The following VPS50 variants were observed in gnomAD, a reference collection of about 807,000 sequenced individuals.
VPS50 encodes VPS50 subunit of EARP/GARPII complex.
A neutral mutation model predicts 139.7 loss-of-function variants in VPS50; 70 were observed. The ratio of observed to expected loss-of-function variants is 0.50; its 90% CI spans 0.41 to 0.61. The LOEUF (loss-of-function observed/expected upper bound fraction) is 0.61, where lower values mean the gene tolerates loss of function less well. VPS50 is among the 20% of genes least tolerant of loss of function. The pLI, the probability that VPS50 is intolerant of heterozygous loss-of-function variation, is 0.00. For missense variants in VPS50, 921 were observed against 1,133.7 expected, an observed-to-expected ratio of 0.81 and a Z score of 2.69; for synonymous variants, 365 against 376.7, an observed-to-expected ratio of 0.97 and a Z score of 0.36.
chr7:93,333,344 T>C, intron 21 of VPS50, among the ~76,000 whole-genome samples: 1 of 152,264 alleles, frequency 6.6e-6, no homozygotes, highest in African/African-American at 2.4e-5. Flanking sequence ...GTCACACTCA[T>C]ACATACATAA....
At chr7:93,303,656 T>G in intron 17 of VPS50, 106 bp downstream of exon 17, 1 of 506,112 alleles carries the variant, frequency 2.0e-6, no homozygotes, top group Non-Finnish European at 3.5e-6. Context: ...ATAAAATAAA[T>G]TAAGGAGCAG....
At chr7:93,305,775 T>C (rs1005478500) in intron 17 of VPS50, 53 bp from the exon 18 acceptor site, 75 of 1,317,472 alleles carry the variant, frequency 5.7e-5, no homozygotes, top group Middle Eastern at 3.6e-4. Context: ...TCGGTTTATG[T>C]ACTAGAATTT....
intron 4 of VPS50, 44 bp from the exon 5 acceptor site, chr7:93,256,463 GAA>G: frequency 1.1e-6 from 1 of 873,430 alleles, no homozygotes; most frequent in Non-Finnish European, 1.7e-6. Flanking sequence ...TAGAAAGCAT[GAA>G]GTTTGTTCTT....
At chr7:93,269,675 A>G (rs1795948067) in intron 9 of VPS50, among the ~76,000 whole-genome samples, 1 of 152,112 alleles carries the variant, frequency 6.6e-6, no homozygotes, top group Non-Finnish European at 1.5e-5. Context: ...GCTCTATAAG[A>G]AGCAAATGCA....
chr7:93,354,876 T>G (rs1798658834), intron 26 of VPS50, among the ~76,000 whole-genome samples: 1 of 152,138 alleles, frequency 6.6e-6, no homozygotes, highest in Non-Finnish European at 1.5e-5. Context: ...AGTTGAATAT[T>G]CACACTATCA....
intron 20 of VPS50, among the ~76,000 whole-genome samples, chr7:93,316,060 C>T (rs970980656): frequency 1.3e-5 from 2 of 152,106 alleles, no homozygotes; most frequent in African/African-American, 4.8e-5. Context: ...AGTGAAAGGA[C>T]TGACTCACTA....
At chr7:93,335,533 A>G (rs1279187130) in intron 22 of VPS50, among the ~76,000 whole-genome samples, 1 of 152,002 alleles carries the variant, frequency 6.6e-6, no homozygotes, top group Non-Finnish European at 1.5e-5. Flanking sequence ...TTGATCTTCA[A>G]TTTCAGAGTC....
intron 6 of VPS50, 110 bp from the exon 7 acceptor site, chr7:93,258,049 G>A (rs1204638623): frequency 1.6e-6 from 1 of 611,650 alleles, no homozygotes; most frequent in South Asian, 2.1e-5. Flanking sequence ...TAAATCCTTG[G>A]TTTTAATAGT....
intron 4 of VPS50, among the ~76,000 whole-genome samples, chr7:93,255,437 G>A (rs1026010443): frequency 6.6e-6 from 1 of 152,106 alleles, no homozygotes; most frequent in Non-Finnish European, 1.5e-5. Flanking sequence ...GATGGGGAGC[G>A]GCTGTAAATA....
At chr7:93,345,964 G>C (rs1028238425) in intron 23 of VPS50, among the ~76,000 whole-genome samples, 5 of 152,164 alleles carry the variant, frequency 3.3e-5, no homozygotes, top group Non-Finnish European at 7.3e-5. Flanking sequence ...CACAGTGTTG[G>C]AAGTTCTGGC....
At chr7:93,302,299 T>G (rs985753858) in intron 16 of VPS50, among the ~76,000 whole-genome samples, 1 of 152,018 alleles carries the variant, frequency 6.6e-6, no homozygotes, top group Non-Finnish European at 1.5e-5. Flanking sequence ...GCCTGCATAA[T>G]AAATGTTTTG....
chr7:93,289,401 A>G (rs995386828), intron 12 of VPS50, among the ~76,000 whole-genome samples: 5 of 152,034 alleles, frequency 3.3e-5, no homozygotes, highest in African/African-American at 7.2e-5. Flanking sequence ...TAAGAATTCT[A>G]TATAAATGTG....
chr7:93,241,828 T>A (rs181149617), intron 2 of VPS50, among the ~76,000 whole-genome samples: 47 of 152,218 alleles, frequency 3.1e-4, no homozygotes, highest in Non-Finnish European at 5.6e-4. Flanking sequence ...ACTTTATACT[T>A]AGATCATAAC....
chr7:93,256,609 G>C (rs929340457), intron 5 of VPS50, 47 bp downstream of exon 5: 1 of 994,196 alleles, frequency 1.0e-6, no homozygotes, highest in South Asian at 1.5e-5. Context: ...TTAAATGTTT[G>C]AGTGATTTAC....
intron 27 of VPS50, among the ~76,000 whole-genome samples, chr7:93,357,224 G>A (rs774699754): frequency 9.9e-5 from 15 of 152,162 alleles, no homozygotes; most frequent in South Asian, 2.1e-4. Flanking sequence ...AAGTAGCCAA[G>A]GAGGAAAGGC....
intron 17 of VPS50, among the ~76,000 whole-genome samples, chr7:93,305,082 A>G (rs1797078031): frequency 6.6e-6 from 1 of 151,910 alleles, no homozygotes; most frequent in Non-Finnish European, 1.5e-5. Context: ...TGTTTGTTAA[A>G]TTTTGTGATA....
chr7:93,306,188 CT>C (rs2116976100), intron 18 of VPS50, among the ~76,000 whole-genome samples, 184 bp downstream of exon 18: 1 of 151,844 alleles, frequency 6.6e-6, no homozygotes, highest in East Asian at 1.9e-4. Context: ...TGACCTTGTC[CT>C]CTTGAATAGT....
intron 22 of VPS50, among the ~76,000 whole-genome samples, chr7:93,339,088 A>G (rs1008374142): frequency 3.3e-5 from 5 of 152,018 alleles, no homozygotes; most frequent in Non-Finnish European, 7.4e-5. Context: ...TAGACAACCA[A>G]TTGGTGCCAA....
At chr7:93,356,117 C>T in intron 27 of VPS50, 37 bp downstream of exon 27, 2 of 1,077,576 alleles carry the variant, frequency 1.9e-6, no homozygotes, top group Middle Eastern at 2.3e-4. Context: ...GTTTTTATTC[C>T]TTTTTCTTTG....
Sources: allele counts gnomAD v4.1 joint callset (sites outside exome capture counted in the v4.1 genomes callset), GRCh38; gene constraint gnomAD v4.1.1; transcripts MANE v1.5; gene names NCBI Gene and HGNC (gene_info 2026-07-23, HGNC 2026-07-21).